The following HIBCH variants were observed in gnomAD, a reference collection of about 807,000 sequenced individuals.
The protein encoded by HIBCH is 3-hydroxyisobutyryl-CoA hydrolase, also known as 3-hydroxyisobutyryl-CoA hydrolase, mitochondrial.
In HIBCH, 50 loss-of-function variants were observed where a neutral mutation model predicts 58.2. The observed-to-expected ratio is 0.86, with a 90% CI of 0.68 to 1.09. HIBCH has a LOEUF of 1.09. HIBCH is among the 50% of genes least tolerant of loss of function. The pLI is 0.00. For synonymous variants in HIBCH, 151 were observed against 146.9 expected, an observed-to-expected ratio of 1.03 and a Z score of -0.20; for missense variants, 450 against 449.7, an observed-to-expected ratio of 1.00 and a Z score of -0.01.
At chr2:190,199,434 T>C (rs1690134207), downstream of HIBCH, among the ~76,000 whole-genome samples, 1 of 152,068 alleles carries the variant, frequency 6.6e-6, no homozygotes, top group African/African-American at 2.4e-5. Context: ...TGTTTTGGTA[T>C]AGATAAATCT....
chr2:190,300,918 G>A (rs930944778), intron 2 of HIBCH, among the ~76,000 whole-genome samples: 4 of 152,184 alleles, frequency 2.6e-5, no homozygotes, highest in Non-Finnish European at 5.9e-5. Flanking sequence ...GAATCCTTCT[G>A]TCATTGCTCC....
chr2:190,314,311 GTA>G (rs1218062774), intron 1 of HIBCH, among the ~76,000 whole-genome samples: 1 of 9,648 alleles, frequency 1.0e-4, no homozygotes, highest in Non-Finnish European at 1.2e-3. Context: ...ATATATATGT[GTA>G]TATATATGTA....
At chr2:190,196,507 T>C (rs1286535607) in intron 1 of HIBCH, among the ~76,000 whole-genome samples, 4 of 151,222 alleles carry the variant, frequency 2.6e-5, no homozygotes. Context: ...TAATTTCTAT[T>C]AAGAAATGCT....
At chr2:190,198,328 G>A (rs1043998164) in intron 1 of HIBCH, among the ~76,000 whole-genome samples, 7 of 152,186 alleles carry the variant, frequency 4.6e-5, no homozygotes, top group Admixed American at 2.6e-4. Context: ...TTAGATGCAC[G>A]CAAGCTTTTG....
intron 1 of HIBCH, among the ~76,000 whole-genome samples, chr2:190,191,878 A>G (rs1247221660): frequency 6.6e-6 from 1 of 151,538 alleles, no homozygotes; most frequent in African/African-American, 2.4e-5. Flanking sequence ...TGGCTAGATG[A>G]TGACTTGCAA....
Position 190,296,969 on chromosome 2 carries a change from A to G in HIBCH, c.79-16T>C, listed in dbSNP as rs1362228672. On this transcript the variant is annotated splice_polypyrimidine_tract_variant and intron_variant, in intron 2 of 13. Transcript: ENST00000359678. ...TGGACATTCTCTGTATAAACAAAGAATAACTTTATGACAAAATTTCTTAAG... is the reference window on the plus strand; with the variant it reads ...TGGACATTCTCTGTATAAACAAAGAGTAACTTTATGACAAAATTTCTTAAG... The G allele has an allele frequency of 6.8e-6, 11 of 1,613,398 alleles. No homozygotes were observed. In the Middle Eastern group the frequency reaches 8.2e-4, roughly 121 times the overall value.
chr2:190,228,895 C>T (rs935078332), intron 11 of HIBCH, among the ~76,000 whole-genome samples: 27 of 152,130 alleles, frequency 1.8e-4, no homozygotes, highest in Admixed American at 5.2e-4. Context: ...ACAAAGAGGA[C>T]GTGATTCTTG....
At chr2:190,265,990 C>CTT (rs879496964) in intron 6 of HIBCH, among the ~76,000 whole-genome samples, 1 of 145,066 alleles carries the variant, frequency 6.9e-6, no homozygotes, top group African/African-American at 2.5e-5. Flanking sequence ...GATTTTAAAT[C>CTT]TTTTTTTTTT....
chr2:190,300,153 T>C (rs557717045), intron 2 of HIBCH, among the ~76,000 whole-genome samples: 6 of 152,216 alleles, frequency 3.9e-5, no homozygotes, highest in South Asian at 2.1e-4. Context: ...TTTATGGTAG[T>C]ACAATTTATA....
intron 11 of HIBCH, among the ~76,000 whole-genome samples, chr2:190,242,997 ATG>A (rs1686498189): frequency 6.6e-6 from 1 of 152,006 alleles, no homozygotes; most frequent in Non-Finnish European, 1.5e-5. Context: ...GACTCAGGAG[ATG>A]TGTATGGGTT....
intron 11 of HIBCH, among the ~76,000 whole-genome samples, chr2:190,242,373 T>C (rs188503695): frequency 1.3e-5 from 2 of 152,238 alleles, no homozygotes; most frequent in Admixed American, 1.3e-4. Flanking sequence ...ACCATGCTCC[T>C]TCAGCTCAAA....
chr2:190,253,151 T>G (rs547605094), intron 7 of HIBCH, among the ~76,000 whole-genome samples: 2 of 152,260 alleles, frequency 1.3e-5, no homozygotes, highest in Non-Finnish European at 2.9e-5. Flanking sequence ...GCCACTGCAC[T>G]GCAGCCTGGG....
chr2:190,262,163 C>CAAAAAAA (rs982653583), intron 6 of HIBCH, among the ~76,000 whole-genome samples: 3 of 91,938 alleles, frequency 3.3e-5, no homozygotes, highest in African/African-American at 1.2e-4. Context: ...GCGGTAGAGA[C>CAAAAAAA]AAAAAAAAAA....
chr2:190,222,343 G>A (rs552480732), intron 11 of HIBCH, among the ~76,000 whole-genome samples: 16 of 152,054 alleles, frequency 1.1e-4, no homozygotes, highest in African/African-American at 3.4e-4. Context: ...CCATGAAGGT[G>A]TCAGGGAAAA....
chr2:190,282,478 G>A (rs1291459779), intron 6 of HIBCH, among the ~76,000 whole-genome samples: 2 of 152,270 alleles, frequency 1.3e-5, no homozygotes, highest in East Asian at 3.9e-4. Context: ...ACCTGCTCTC[G>A]CAGAAACTAA....
rs1690547311 is a variant in HIBCH at position 190,212,972 on chromosome 2, A to G, written c.995T>C (p.Leu332Pro). 6.2e-7 allele frequency: 1 copy of G among 1,611,584 alleles called. No homozygotes were observed. Among genetic ancestry groups the G allele is most frequent in the Non-Finnish European group, 8.5e-7 (1 of 1,178,608 alleles). Residue 332 changes from leucine (L) to proline (P), a missense_variant, in exon 12 of 14, where the codon CTA becomes CCA. By Grantham distance (98) the Leu-to-Pro change is moderately conservative. Coordinates refer to ENST00000359678, the MANE Select transcript of HIBCH (RefSeq NM_014362.4). ...AATTCTTACCATACAAGCTTGACTTAGCCGATACTCCATAGTTAGTACTTC... is the reference window on the plus strand; with the variant it reads ...AATTCTTACCATACAAGCTTGACTTGGCCGATACTCCATAGTTAGTACTTC... ...LQEVLTMEYRLSQACMRGHDF... is the reference protein window; with the variant it reads ...LQEVLTMEYRPSQACMRGHDF...
At position 190,243,280 on chromosome 2, in the gene HIBCH, T is replaced by C. The variant is rs564101996; in HGVS notation, c.891+1607A>G. ...TGTATCTTTCTCCCATGCTGGATGC[T>C]TCCTGCCCTTGAACATCAGACCCCA... On this transcript the variant is annotated intron_variant, in intron 11 of 13. Coordinates refer to ENST00000359678, the MANE Select transcript of HIBCH (RefSeq NM_014362.4). The surrounding 1 kb of genome is among the most constrained non-coding windows in gnomAD (Gnocchi z 4.1). Among the ~76,000 whole-genome samples the C allele has an allele frequency of 2.4e-4, 36 of 152,326 alleles. No homozygotes were observed. In the East Asian group the frequency reaches 6.4e-3, roughly 27 times the overall value.
chr2:190,281,633 CA>C lies in HIBCH; in HGVS notation c.438+5952del, dbSNP rs1233443996. On this transcript the variant is annotated intron_variant, in intron 6 of 13. Coordinates refer to ENST00000359678, the MANE Select transcript of HIBCH (RefSeq NM_014362.4). This position sits in a 1 kb window ranked among gnomAD's most constrained non-coding sequence, Gnocchi z 5.4. Reference sequence around the variant, plus strand: ...TGCGCCACACCTTGGTTTCCTCTCCCAAAAAGTTTTTTCACTCTTTACATGG... The same window carrying C: ...TGCGCCACACCTTGGTTTCCTCTCCCAAAAGTTTTTTCACTCTTTACATGG... Among the ~76,000 whole-genome samples, 1 of 152,188 alleles carries C rather than the reference CA, an allele frequency of 6.6e-6. No homozygotes were observed. Among genetic ancestry groups the C allele is most frequent in the Non-Finnish European group, 1.5e-5 (1 of 68,036 alleles).
intron 6 of HIBCH, among the ~76,000 whole-genome samples, chr2:190,263,862 C>G (rs1687160159): frequency 6.6e-6 from 1 of 151,732 alleles, no homozygotes. Context: ...ATATCCTGGA[C>G]TGGGCCACTT....
Sources: allele counts gnomAD v4.1 joint callset (sites outside exome capture counted in the v4.1 genomes callset), GRCh38; gene constraint gnomAD v4.1.1; non-coding constraint Gnocchi (gnomAD v3.1); transcripts MANE v1.5; gene names NCBI Gene and HGNC (gene_info 2026-07-23, HGNC 2026-07-21).